DIAPH2: variants seen among roughly 807,000 people sequenced by gnomAD.
DIAPH2 encodes the protein protein diaphanous homolog 2.
A neutral mutation model predicts 92.7 loss-of-function variants in DIAPH2; 35 were observed. That is an observed-to-expected ratio of 0.38 (90% CI 0.29 to 0.50). The LOEUF is 0.50. Among genes scored for constraint, DIAPH2 ranks in the 20% least tolerant of loss-of-function variants. The pLI is 0.94. For missense variants in DIAPH2, 701 were observed against 819.5 expected (o/e 0.86, Z 1.77); for synonymous variants, 301 against 280.4 (o/e 1.07, Z -0.73).
At chrX:97,172,599 C>G (rs1350401489) in intron 22 of DIAPH2, among the ~76,000 whole-genome samples, 1 of 111,673 alleles carries the variant, frequency 9.0e-6, no homozygotes, top group Non-Finnish European at 1.9e-5. Flanking sequence ...TGAATTTTTC[C>G]CATTTAAAAT....
intron 22 of DIAPH2, among the ~76,000 whole-genome samples, chrX:97,216,333 CTCTG>C (rs1301384891): frequency 2.1e-4 from 24 of 111,703 alleles, no homozygotes; most frequent in Non-Finnish European, 9.4e-5. Context: ...GAGACAGTGT[CTCTG>C]TCTGTTGCCC....
At chrX:97,497,361 C>T (rs1948268246) in intron 26 of DIAPH2, among the ~76,000 whole-genome samples, 1 of 110,609 alleles carries the variant, frequency 9.0e-6, no homozygotes, top group South Asian at 3.9e-4. Context: ...CCCCACGCCT[C>T]CCTTCTGTCT....
chrX:97,128,264 T>C (rs1212572836), intron 21 of DIAPH2, among the ~76,000 whole-genome samples: 1 of 111,187 alleles, frequency 9.0e-6, no homozygotes, highest in Non-Finnish European at 1.9e-5. Context: ...CTTCCTGACA[T>C]TGCCATGACA....
intron 4 of DIAPH2, among the ~76,000 whole-genome samples, chrX:96,871,932 A>G (rs1314197778): frequency 8.9e-6 from 1 of 112,215 alleles, no homozygotes; most frequent in Non-Finnish European, 1.9e-5. Flanking sequence ...ATTGATATAC[A>G]CAATAACTTG....
intron 23 of DIAPH2, among the ~76,000 whole-genome samples, chrX:97,250,838 T>G (rs1040646233): frequency 8.9e-6 from 1 of 112,050 alleles, no homozygotes; most frequent in Non-Finnish European, 1.9e-5. Context: ...CTCTCACAAA[T>G]GTATCATTGA....
At chrX:97,069,520 G>A (rs1213901043) in intron 17 of DIAPH2, among the ~76,000 whole-genome samples, 1 of 110,962 alleles carries the variant, frequency 9.0e-6, no homozygotes, top group Non-Finnish European at 1.9e-5. Context: ...ACCTTTTGGG[G>A]ATACTTCCAT....
chrX:96,976,507 G>GT (rs568341422), intron 17 of DIAPH2, among the ~76,000 whole-genome samples: 33 of 104,608 alleles, frequency 3.2e-4, no homozygotes, highest in South Asian at 1.2e-3. Context: ...TTACCAAAGT[G>GT]TTTTTTTTTT....
At chrX:97,275,602 G>A (rs1449361159) in intron 23 of DIAPH2, among the ~76,000 whole-genome samples, 2 of 106,089 alleles carry the variant, frequency 1.9e-5, no homozygotes, top group East Asian at 3.1e-4. Context: ...CTTCTCAGAC[G>A]GGGCGGCCGG....
chrX:96,934,816 T>A (rs1176171491), intron 10 of DIAPH2, among the ~76,000 whole-genome samples: 1 of 111,813 alleles, frequency 8.9e-6, no homozygotes, highest in African/African-American at 3.2e-5. Flanking sequence ...CCCATTTGCC[T>A]TTTATTTAGT....
At position 96,987,271 on chromosome X, in the gene DIAPH2, A is replaced by T. The variant is rs552867650; in HGVS notation, c.2050+22064A>T. Among the ~76,000 whole-genome samples, 15 of 112,047 alleles carry T rather than the reference A, an allele frequency of 1.3e-4. No homozygotes were observed. The South Asian group carries it at 5.5e-3, about 41-fold the overall frequency. ...CTACATAGAGACTAATTTGCTGTAG[A>T]AATGAGATAACAGCATTATTCTAGC... On this transcript the variant is annotated intron_variant, in intron 17 of 26. Transcript: ENST00000324765.
intron 26 of DIAPH2, among the ~76,000 whole-genome samples, chrX:97,597,628 T>C (rs1291066274): frequency 1.8e-5 from 2 of 112,031 alleles, no homozygotes; most frequent in Admixed American, 9.4e-5. Flanking sequence ...CTGAATACTT[T>C]CATGCTAGCA....
chrX:97,082,301 G>T (rs906978595), intron 19 of DIAPH2, among the ~76,000 whole-genome samples: 4 of 108,160 alleles, frequency 3.7e-5, no homozygotes, highest in Non-Finnish European at 5.7e-5. Flanking sequence ...CGATGGTCAG[G>T]GTAGAACAGG....
At chrX:96,712,458 C>G (rs1363156481) in intron 1 of DIAPH2, among the ~76,000 whole-genome samples, 1 of 111,112 alleles carries the variant, frequency 9.0e-6, no homozygotes, top group Non-Finnish European at 1.9e-5. Context: ...CCACCCTTTC[C>G]TATTCCTAAT....
At chrX:96,931,613 A>C (rs761695886) in intron 10 of DIAPH2, among the ~76,000 whole-genome samples, 11 of 110,252 alleles carry the variant, frequency 1.0e-4, no homozygotes, top group Non-Finnish European at 1.5e-4. Flanking sequence ...GGAGAGAAAA[A>C]AACAACAACA....
At chrX:96,991,892 T>TG (rs1370434936) in intron 17 of DIAPH2, among the ~76,000 whole-genome samples, 2 of 111,584 alleles carry the variant, frequency 1.8e-5, no homozygotes, top group Non-Finnish European at 3.8e-5. Flanking sequence ...GTGCAGTTAC[T>TG]GTGCTTCAAC....
chrX:97,568,768 T>C (rs1344707764), intron 26 of DIAPH2, among the ~76,000 whole-genome samples: 1 of 111,975 alleles, frequency 8.9e-6, no homozygotes, highest in Admixed American at 9.5e-5. Flanking sequence ...TTATCTCCTT[T>C]TACTCTAGTC....
chrX:97,300,788 C>T (rs1157083193), intron 23 of DIAPH2, among the ~76,000 whole-genome samples: 8 of 97,279 alleles, frequency 8.2e-5, no homozygotes, highest in Non-Finnish European at 6.2e-5. Flanking sequence ...AAAAATTAGC[C>T]GGGCATGGTG....
intron 25 of DIAPH2, among the ~76,000 whole-genome samples, chrX:97,392,362 TC>T: frequency 8.9e-6 from 1 of 111,964 alleles, no homozygotes; most frequent in South Asian, 3.8e-4. Flanking sequence ...AGAAATAGTC[TC>T]CACCCTTAAG....
intron 23 of DIAPH2, among the ~76,000 whole-genome samples, chrX:97,338,374 C>T (rs766102926): frequency 8.9e-6 from 1 of 111,834 alleles, no homozygotes; most frequent in South Asian, 3.7e-4. Context: ...TTTTAAAGTA[C>T]ATTTCTTTGA....
Sources: gnomAD v4.1 joint callset for allele counts (sites outside exome capture counted in the v4.1 genomes callset) on GRCh38, gnomAD v4.1.1 for gene constraint, MANE v1.5 for transcripts, NCBI Gene and HGNC (gene_info 2026-07-23, HGNC 2026-07-21) for gene names.